The following CDK14 variants were observed in gnomAD, a reference collection of about 807,000 sequenced individuals.
CDK14 encodes the protein cyclin-dependent kinase 14.
Under a neutral mutation model 60.7 loss-of-function variants are expected in CDK14, and 34 were observed. The ratio of observed to expected loss-of-function variants is 0.56; its 90% CI spans 0.43 to 0.75. The LOEUF (loss-of-function observed/expected upper bound fraction) is 0.75. Among genes scored for constraint, CDK14 ranks in the 30% least tolerant of loss-of-function variants. The pLI is 0.00. For missense variants in CDK14, 482 were observed against 564.1 expected, an observed-to-expected ratio of 0.85 and a Z score of 1.47; for synonymous variants, 197 against 203.7, an observed-to-expected ratio of 0.97 and a Z score of 0.28.
chr7:91,036,929 C>T (rs1013149258), intron 10 of CDK14, among the ~76,000 whole-genome samples: 1 of 152,178 alleles, frequency 6.6e-6, no homozygotes, highest in African/African-American at 2.4e-5. Context: ...TTAGAAGTTC[C>T]TGCTCCCACC....
intron 5 of CDK14, among the ~76,000 whole-genome samples, chr7:90,800,925 T>G (rs1366710135): frequency 6.6e-6 from 1 of 152,228 alleles, no homozygotes; most frequent in Non-Finnish European, 1.5e-5. Flanking sequence ...CACTTCGATC[T>G]CTGCCTCCAT....
chr7:91,205,996 A>G (rs1802884101), intron 14 of CDK14, among the ~76,000 whole-genome samples: 1 of 152,072 alleles, frequency 6.6e-6, no homozygotes, highest in African/African-American at 2.4e-5. Context: ...GGGTTTCACC[A>G]TATTGGCCAG....
At chr7:90,926,557 C>T (rs1395885663) in intron 8 of CDK14, among the ~76,000 whole-genome samples, 1 of 152,152 alleles carries the variant, frequency 6.6e-6, no homozygotes, top group Admixed American at 6.5e-5. Flanking sequence ...GCCCTGATGC[C>T]TGCCAATGGG....
intron 4 of CDK14, among the ~76,000 whole-genome samples, chr7:90,768,202 C>T (rs184858821): frequency 5.3e-5 from 8 of 152,248 alleles, no homozygotes; most frequent in African/African-American, 1.4e-4. Context: ...ATCCAATAAA[C>T]GTGGTTTTGT....
intron 5 of CDK14, among the ~76,000 whole-genome samples, chr7:90,795,949 A>C (rs1268801699): frequency 6.6e-6 from 1 of 152,130 alleles, no homozygotes; most frequent in Non-Finnish European, 1.5e-5. Context: ...GATCACATTG[A>C]AGTTGTTGAT....
At position 90,984,163 on chromosome 7, in the gene CDK14, C is replaced by T. The variant is rs536156760; in HGVS notation, c.963C>T (p.Ile321=). Residue 321 remains isoleucine, a synonymous_variant, in exon 10 of 15, where the codon ATC becomes ATT. Transcript: ENST00000380050. ...CTCTCTCTAGGGGAGTAGGTTGCAT[C>T]TTTGTTGAAATGATCCAAGGAGTTG... is the stretch of plus-strand genomic sequence containing the variant. ...TCLDMWGVGC[I]FVEMIQGVAA... The T allele has an allele frequency of 4.3e-5, 70 of 1,609,744 alleles. No homozygotes were observed. In the South Asian group the frequency reaches 7.6e-4, roughly 17 times the overall value.
chr7:90,752,754 A>G (rs1323794796), intron 4 of CDK14, among the ~76,000 whole-genome samples: 2 of 152,164 alleles, frequency 1.3e-5, no homozygotes, highest in East Asian at 3.8e-4. Context: ...TCAATAGAAC[A>G]CTAATTAAAG....
At position 91,052,317 on chromosome 7, in the gene CDK14, AGT is replaced by A. The variant is rs1339658072; in HGVS notation, c.1105+6362_1105+6363del. 4.6e-5 allele frequency among the ~76,000 whole-genome samples: 7 copies of A among 152,186 alleles called. No homozygotes were observed. The East Asian group carries it at 1.3e-3, about 29-fold the overall frequency. On this transcript the variant is annotated intron_variant, in intron 11 of 14. Coordinates refer to ENST00000380050, the MANE Select transcript of CDK14 (RefSeq NM_001287135.2). ...AGGTCTCCCTGGGTCTCACTTCCTG[AGT>A]GTGTTTGTGTTTTTGTTTTCCAGCT... is the stretch of plus-strand genomic sequence containing the variant.
intron 2 of CDK14, among the ~76,000 whole-genome samples, chr7:90,706,925 G>A (rs997610966): frequency 2.0e-5 from 3 of 152,064 alleles, no homozygotes; most frequent in Non-Finnish European, 4.4e-5. Flanking sequence ...GACTAATGCT[G>A]GGTGTAGTTT....
chr7:91,122,373 T>C (rs1799804081), intron 14 of CDK14, among the ~76,000 whole-genome samples: 2 of 152,212 alleles, frequency 1.3e-5, no homozygotes, highest in Admixed American at 1.3e-4. Flanking sequence ...GAATGCTCAA[T>C]GAAATTTAAT....
At chr7:90,947,826 G>A (rs1222077400) in intron 8 of CDK14, among the ~76,000 whole-genome samples, 2 of 151,954 alleles carry the variant, frequency 1.3e-5, no homozygotes, top group Non-Finnish European at 2.9e-5. Flanking sequence ...ACTAACAAGA[G>A]CATATGTTGT....
At chr7:90,716,753 T>G (rs1802261804) in intron 2 of CDK14, among the ~76,000 whole-genome samples, 1 of 152,076 alleles carries the variant, frequency 6.6e-6, no homozygotes, top group Non-Finnish European at 1.5e-5. Context: ...TAGTAAAATT[T>G]TTATCACTCA....
Position 90,668,697 on chromosome 7 carries a change from T to TTA in CDK14, c.124-57869_124-57868insAT, listed in dbSNP as rs1563037900. Among the ~76,000 whole-genome samples, 22 of 76,094 alleles carry TTA rather than the reference T, an allele frequency of 2.9e-4. No homozygotes were observed. The East Asian group carries it at 4.2e-3, about 14-fold the overall frequency. 49.9% of individuals were successfully genotyped at this position (76,094 alleles called of 152,430 possible). ...TATATGGTGTAAGGAAGGACTCGCA[T>TTA]TCTTTTTTTTTTTTTTTTTTTTTTT... On this transcript the variant is annotated intron_variant, in intron 2 of 14. Coordinates refer to ENST00000380050, the MANE Select transcript of CDK14 (RefSeq NM_001287135.2).
chr7:91,049,768 C>T (rs559998148), intron 11 of CDK14, among the ~76,000 whole-genome samples: 49 of 152,224 alleles, frequency 3.2e-4, no homozygotes, highest in Middle Eastern at 3.4e-3. Flanking sequence ...AGCAATATTT[C>T]CTGAGCACCA....
At chr7:90,604,166 T>C in intron 1 of CDK14, 52 bp from the exon 2 acceptor site, 1 of 1,226,666 alleles carries the variant, frequency 8.2e-7, no homozygotes, top group Non-Finnish European at 1.2e-6. Context: ...TATAACTTAG[T>C]CTCTTTGGAA....
intron 12 of CDK14, among the ~76,000 whole-genome samples, chr7:91,109,238 CTTAA>C (rs1226499752): frequency 1.4e-4 from 22 of 152,218 alleles, no homozygotes; most frequent in South Asian, 2.1e-4. Flanking sequence ...TATTTGCATA[CTTAA>C]TTGTTTTATT....
intron 5 of CDK14, among the ~76,000 whole-genome samples, chr7:90,792,835 A>T (rs562320420): frequency 8.3e-6 from 1 of 120,314 alleles, no homozygotes; most frequent in African/African-American, 3.1e-5. Flanking sequence ...TTCAAGTCCT[A>T]TATGACTGAT....
At chr7:91,035,421 T>C (rs1355284773) in intron 10 of CDK14, among the ~76,000 whole-genome samples, 2 of 152,232 alleles carry the variant, frequency 1.3e-5, no homozygotes, top group East Asian at 3.8e-4. Flanking sequence ...TCAATATCTT[T>C]ACCCCATTGG....
At chr7:90,935,492 A>G (rs1032270518) in intron 8 of CDK14, among the ~76,000 whole-genome samples, 1 of 152,334 alleles carries the variant, frequency 6.6e-6, no homozygotes, top group Admixed American at 6.5e-5. Context: ...TTCAAGATGT[A>G]TTCATTGTTA....
Sources: gnomAD v4.1 joint callset for allele counts (sites outside exome capture counted in the v4.1 genomes callset) on GRCh38, gnomAD v4.1.1 for gene constraint, MANE v1.5 for transcripts, NCBI Gene and HGNC (gene_info 2026-07-23, HGNC 2026-07-21) for gene names.